The following CACNA1B variants were observed in gnomAD, a reference collection of about 807,000 sequenced individuals.
CACNA1B encodes the protein voltage-dependent N-type calcium channel subunit alpha-1B.
In CACNA1B, 70 loss-of-function variants were observed where a neutral mutation model predicts 247.2. The observed-to-expected ratio is 0.28, with a 90% CI of 0.23 to 0.35. The LOEUF is 0.35. Ranked by LOEUF, CACNA1B falls within the 10% of genes least tolerant of loss-of-function variation. The probability of loss-of-function intolerance (pLI) is 1.00; values close to 1 mark genes in which losing one functional copy is unlikely to be tolerated. For missense variants in CACNA1B, 2,367 were observed against 3,197.4 expected (o/e 0.74, Z 6.26); for synonymous variants, 1,231 against 1,294.4 (o/e 0.95, Z 1.05).
chr9:138,008,543 G>C (rs539207647), intron 16 of CACNA1B, among the ~76,000 whole-genome samples: 1 of 152,180 alleles, frequency 6.6e-6, no homozygotes, highest in African/African-American at 2.4e-5. Flanking sequence ...TGGGGTATGC[G>C]CTCCCTTGAC....
At chr9:138,066,638 A>G (rs1204405725) in intron 31 of CACNA1B, among the ~76,000 whole-genome samples, 1 of 152,226 alleles carries the variant, frequency 6.6e-6, no homozygotes, top group Non-Finnish European at 1.5e-5. Flanking sequence ...GAACTTCTGA[A>G]TAAGTCATGG....
intron 20 of CACNA1B, among the ~76,000 whole-genome samples, chr9:138,040,830 C>T (rs1371875094): frequency 6.6e-6 from 1 of 152,220 alleles, no homozygotes; most frequent in Non-Finnish European, 1.5e-5. Context: ...CACCCAGCAT[C>T]AATACTTTGT....
rs541804381 is a variant in CACNA1B at position 138,110,942 on chromosome 9, G to A, written c.5429-1456G>A. ...AAGGCAAACAAACACATGCAAAAAT[G>A]CTTGATGTCATTAATCATTAGACAA... On this transcript the variant is annotated intron_variant, in intron 39 of 46. Coordinates refer to ENST00000371372, the MANE Select transcript of CACNA1B (RefSeq NM_000718.4). Among the ~76,000 whole-genome samples, 3 of 151,044 alleles carry A rather than the reference G, an allele frequency of 2.0e-5. No individual in the cohort carries two copies. In the South Asian group the frequency reaches 6.2e-4, roughly 31 times the overall value.
chr9:137,999,169 T>C (rs1177381534), intron 15 of CACNA1B, among the ~76,000 whole-genome samples: 1 of 151,856 alleles, frequency 6.6e-6, no homozygotes, highest in African/African-American at 2.4e-5. Flanking sequence ...ATACAAAATT[T>C]AGCCAGGTGT....
rs1962128194 is a variant in CACNA1B at position 138,122,223 on chromosome 9, G to A, written c.*224G>A. The A allele has an allele frequency of 4.1e-5, 24 of 587,060 alleles. 1 individual carries two copies. In the South Asian group the frequency reaches 4.6e-4, roughly 11 times the overall value. The allele number at this position is 587,060 out of a possible 1,614,324, so 36.4% of individuals were successfully genotyped here. ...TGTCCCCTTCCTGTCCTGCCTTCCT[G>A]GGTCTCGTACCACACACCAGACCCT... On this transcript the variant is annotated 3_prime_UTR_variant, in exon 47 of 47. Transcript: ENST00000371372.
chr9:137,930,326 C>G (rs2133303514), intron 6 of CACNA1B, among the ~76,000 whole-genome samples: 2 of 152,190 alleles, frequency 1.3e-5, no homozygotes, highest in South Asian at 4.2e-4. Flanking sequence ...TTTTTAAATT[C>G]CCTTGAAATT....
chr9:138,096,440 G>A, intron 36 of CACNA1B, 44 bp from the exon 37 acceptor site: 2 of 1,590,496 alleles, frequency 1.3e-6, no homozygotes, highest in Non-Finnish European at 1.7e-6. Context: ...GGGAGGGCAG[G>A]CTGAGGTCTC....
At position 138,020,179 on chromosome 9, in the gene CACNA1B, G is replaced by A. The variant is rs1388615534; in HGVS notation, c.2268-2832G>A. 3.3e-5 allele frequency among the ~76,000 whole-genome samples: 5 copies of A among 151,662 alleles called. No individual in the cohort carries two copies. In the South Asian group the frequency reaches 6.2e-4, roughly 19 times the overall value. ...GCTGCTTCATATTGTCAGCAGTTCCGGGTTGTCTGAGCCCAGAGACCTCAA... is the reference window on the plus strand; with the variant it reads ...GCTGCTTCATATTGTCAGCAGTTCCAGGTTGTCTGAGCCCAGAGACCTCAA... On this transcript the variant is annotated intron_variant, in intron 18 of 46. Coordinates refer to ENST00000371372, the MANE Select transcript of CACNA1B (RefSeq NM_000718.4). This position sits in a 1 kb window ranked among gnomAD's most constrained non-coding sequence, Gnocchi z 4.1.
At chr9:137,904,908 T>A (rs1957280896) in intron 3 of CACNA1B, among the ~76,000 whole-genome samples, 1 of 152,238 alleles carries the variant, frequency 6.6e-6, no homozygotes, top group Admixed American at 6.5e-5. Context: ...CTTATTTTGT[T>A]ATCTGACTTG....
chr9:138,117,285 G>A (rs1961902152), intron 42 of CACNA1B, among the ~76,000 whole-genome samples: 1 of 28,326 alleles, frequency 3.5e-5, no homozygotes, highest in Non-Finnish European at 6.1e-5. Flanking sequence ...ATTGTGGCTT[G>A]GGGGGGGGGT....
chr9:138,079,894 GT>G (rs1012370724), intron 36 of CACNA1B, among the ~76,000 whole-genome samples: 1 of 144,918 alleles, frequency 6.9e-6, no homozygotes, highest in Non-Finnish European at 1.5e-5. Context: ...AAAAAAAAAT[GT>G]TGTTTATTGG....
In CACNA1B at chr9:137,952,234, T is replaced by G. The variant is rs1957885528; in HGVS notation, c.967-40T>G. ...GTGCTCCTGTGGCCGGGACTGTGTT[T>G]TGTCCCTGTCCTTCCTCATCTCCCT... On this transcript the variant is annotated intron_variant, in intron 6 of 46. Transcript: ENST00000371372. The surrounding 1 kb of genome is among the most constrained non-coding windows in gnomAD (Gnocchi z 4.8). 2.6e-6 allele frequency: 4 copies of G among 1,532,544 alleles called. No individual in the cohort carries two copies. The highest frequency in any genetic ancestry group is 3.6e-6 in the Non-Finnish European group (4 of 1,106,094). The allele number at this position is 1,532,544 out of a possible 1,614,324, so 94.9% of individuals were successfully genotyped here. A position where few individuals can be genotyped will look rare whatever the true frequency, so the allele number is the denominator to read the frequency against.
chr9:138,021,358 T>A (rs1958842953), intron 18 of CACNA1B, among the ~76,000 whole-genome samples: 1 of 152,208 alleles, frequency 6.6e-6, no homozygotes, highest in African/African-American at 2.4e-5. Flanking sequence ...GACACCACAC[T>A]TCCGCTTTCA....
chr9:138,047,499 C>G, intron 23 of CACNA1B, 41 bp downstream of exon 23: 1 of 1,409,146 alleles, frequency 7.1e-7, no homozygotes, highest in Non-Finnish European at 1.0e-6. Flanking sequence ...GTGTTTTGCT[C>G]TCCCTCCCTC....
rs915506661 is a variant in CACNA1B at position 138,011,333 on chromosome 9, C to A, written c.2160+1256C>A. Among the ~76,000 whole-genome samples the A allele has an allele frequency of 6.6e-6, 1 of 152,158 alleles. No individual in the cohort carries two copies. Among genetic ancestry groups the A allele is most frequent in the Non-Finnish European group, 1.5e-5 (1 of 68,026 alleles). On this transcript the variant is annotated intron_variant, in intron 17 of 46. Coordinates refer to ENST00000371372, the MANE Select transcript of CACNA1B (RefSeq NM_000718.4). This position sits in a 1 kb window ranked among gnomAD's most constrained non-coding sequence, Gnocchi z 4.2. Reference sequence around the variant, plus strand: ...CATGGAGGAAGCCATGTCCTTGGGGCCCTGTGTCCACATACATGTACCCTC... The same window carrying A: ...CATGGAGGAAGCCATGTCCTTGGGGACCTGTGTCCACATACATGTACCCTC...
Position 138,120,211 on chromosome 9 carries a change from C to T in CACNA1B, c.6077C>T (p.Ala2026Val). The T allele has an allele frequency of 6.2e-7, 1 of 1,608,724 alleles. No homozygotes were observed. Among genetic ancestry groups the T allele is most frequent in the East Asian group, 2.2e-5 (1 of 44,486 alleles). Residue 2026 changes from alanine to valine, a missense_variant, in exon 45 of 47, where the codon GCC (alanine) becomes GTC (valine). Coordinates refer to ENST00000371372, the MANE Select transcript of CACNA1B (RefSeq NM_000718.4). Reference protein sequence around the residue: ...SPMKRSISTLAQRPRGTHLCS... With the variant: ...SPMKRSISTLVQRPRGTHLCS... Reference sequence around the variant, plus strand: ...ATGAAGCGCTCCATCTCCACGCTGGCCCAGCGGCCCCGTGGGACTCATCTT... The same window carrying T: ...ATGAAGCGCTCCATCTCCACGCTGGTCCAGCGGCCCCGTGGGACTCATCTT...
rs1958152189 is a variant in CACNA1B, at chr9:137,971,691, G to C, written c.1543+99G>C. ...CCTGGGGCTACCCCAGGTGGGACGG[G>C]ACCCACCCCCATGTTGCTCAAAGTA... On this transcript the variant is annotated intron_variant, in intron 11 of 46. Transcript: ENST00000371372. This position sits in a 1 kb window ranked among gnomAD's most constrained non-coding sequence, Gnocchi z 4.4. 2 of 989,238 alleles carry C rather than the reference G, an allele frequency of 2.0e-6. No homozygotes were observed. The highest frequency in any genetic ancestry group is 5.2e-5 in the East Asian group (2 of 38,508). The allele number at this position is 989,238 out of a possible 1,614,324, so 61.3% of individuals were successfully genotyped here.
In CACNA1B at chr9:137,914,706, G is replaced by C; in HGVS notation, c.675G>C (p.Gln225His). Residue 225 changes from glutamine (Q) to histidine (H), a missense_variant, in exon 5 of 47, where the codon CAG becomes CAC. Gln to His is a conservative substitution (Grantham distance 24). Around this residue, in one of 12 missense-constraint regions of CACNA1B, gnomAD observed 130 missense variants for 338.7 expected, o/e 0.38. Coordinates refer to ENST00000371372, the MANE Select transcript of CACNA1B (RefSeq NM_000718.4). The surrounding 1 kb of genome is among the most constrained non-coding windows in gnomAD (Gnocchi z 4.3). ...SIMKAMVPLLQIGLLLFFAIL... is the reference protein window; with the variant it reads ...SIMKAMVPLLHIGLLLFFAIL... ...TGAAGGCCATGGTTCCACTCCTGCA[G>C]ATTGGGCTGCTTCTCTTCTTTGCCA... 6.2e-7 allele frequency: 1 copy of C among 1,614,010 alleles called. No homozygotes were observed. Among genetic ancestry groups the C allele is most frequent in the Non-Finnish European group, 8.5e-7 (1 of 1,179,888 alleles).
intron 6 of CACNA1B, among the ~76,000 whole-genome samples, chr9:137,932,141 G>A (rs1195721736): frequency 1.3e-5 from 2 of 152,148 alleles, no homozygotes; most frequent in African/African-American, 2.4e-5. Flanking sequence ...TTTGTATGGC[G>A]ACGATACTTT....
Sources: gnomAD v4.1 joint callset for allele counts (sites outside exome capture counted in the v4.1 genomes callset) on GRCh38, gnomAD v4.1.1 for gene constraint, gnomAD v4.1.1 regional missense constraint, Gnocchi (gnomAD v3.1) non-coding constraint, MANE v1.5 for transcripts, NCBI Gene and HGNC (gene_info 2026-07-23, HGNC 2026-07-21) for gene names.